Variants in NBEA observed in about 807,000 individuals in gnomAD.
NBEA encodes lysosomal-trafficking regulator 2.
A neutral mutation model predicts 343.4 loss-of-function variants in NBEA; 44 were observed. The ratio of observed to expected loss-of-function variants is 0.13; its 90% CI spans 0.10 to 0.16. NBEA has a LOEUF of 0.16. Ranked by LOEUF, NBEA falls within the 10% of genes least tolerant of loss-of-function variation. NBEA has a pLI of 1.00. For synonymous variants in NBEA, 1,175 were observed against 1,238.7 expected, an observed-to-expected ratio of 0.95 and a Z score of 1.08; for missense variants, 2,555 against 3,631.3, an observed-to-expected ratio of 0.70 and a Z score of 7.62.
chr13:35,446,657 C>T (rs956232600), intron 39 of NBEA, among the ~76,000 whole-genome samples: 2 of 151,988 alleles, frequency 1.3e-5, no homozygotes, highest in African/African-American at 4.8e-5. Flanking sequence ...ATATGAGGTG[C>T]AAAGAGGCCA....
chr13:35,006,782 C>G (rs555513647), intron 1 of NBEA, among the ~76,000 whole-genome samples: 1 of 152,176 alleles, frequency 6.6e-6, no homozygotes, highest in Admixed American at 6.5e-5. Flanking sequence ...GAGTCTCACT[C>G]TGTTGCCCAG....
intron 39 of NBEA, among the ~76,000 whole-genome samples, chr13:35,451,173 G>T (rs902286610): frequency 6.6e-6 from 1 of 152,150 alleles, no homozygotes; most frequent in Admixed American, 6.5e-5. Flanking sequence ...GCCCAGGCTG[G>T]AGTGCAGTGG....
chr13:35,303,256 G>A (rs1594136100), intron 35 of NBEA, among the ~76,000 whole-genome samples: 1 of 152,126 alleles, frequency 6.6e-6, no homozygotes, highest in East Asian at 1.9e-4. Flanking sequence ...AATTAGTATT[G>A]TTCATCCGTA....
At position 35,654,834 on chromosome 13, in the gene NBEA, C is replaced by CT. The variant is rs747182896; in HGVS notation, c.8036-15dup. 9.7e-6 allele frequency: 15 copies of CT among 1,553,706 alleles called. 1 individual carries two copies. The South Asian group carries it at 1.0e-4, about 11-fold the overall frequency. On this transcript the variant is annotated intron_variant, in intron 53 of 58. Transcript: ENST00000379939. ...CTCATATGGAATCTTTCTTCAAATG[C>CT]TTTTTTCCATTTACTTTTAGCCAAT...
intron 8 of NBEA, among the ~76,000 whole-genome samples, chr13:35,064,058 G>T (rs1593230338): frequency 6.6e-6 from 1 of 152,186 alleles, no homozygotes; most frequent in South Asian, 2.1e-4. Flanking sequence ...TATGGACATA[G>T]TTGTTTGAGA....
intron 38 of NBEA, among the ~76,000 whole-genome samples, chr13:35,370,466 G>C (rs1029066765): frequency 1.3e-5 from 2 of 151,918 alleles, no homozygotes; most frequent in Non-Finnish European, 2.9e-5. Context: ...GCATATAGTT[G>C]AGTCATGTTT....
At chr13:35,106,873 G>A (rs2065944329) in intron 11 of NBEA, among the ~76,000 whole-genome samples, 1 of 151,568 alleles carries the variant, frequency 6.6e-6, no homozygotes, top group Admixed American at 6.6e-5. Context: ...AATTCATCAA[G>A]TGGATATGTT....
intron 41 of NBEA, among the ~76,000 whole-genome samples, chr13:35,505,229 TAA>T (rs754936689): frequency 1.3e-5 from 2 of 152,038 alleles, no homozygotes; most frequent in Admixed American, 6.6e-5. Flanking sequence ...ACTGGCTTTT[TAA>T]AAAAAATTAG....
chr13:35,489,091 T>C (rs2076409083), intron 41 of NBEA, among the ~76,000 whole-genome samples: 2 of 151,848 alleles, frequency 1.3e-5, no homozygotes, highest in Non-Finnish European at 2.9e-5. Context: ...GTTTTTTTTT[T>C]AATGAGGATG....
intron 1 of NBEA, among the ~76,000 whole-genome samples, chr13:34,991,775 T>G (rs2060757735): frequency 6.6e-6 from 1 of 152,212 alleles, no homozygotes; most frequent in African/African-American, 2.4e-5. Flanking sequence ...CCAGAATAAG[T>G]TTCCGTCTTG....
chr13:35,218,634 TATTA>T (rs148463096), intron 33 of NBEA, among the ~76,000 whole-genome samples: 6,732 of 152,016 alleles, frequency 0.044, 172 homozygotes, highest in South Asian at 0.078. Flanking sequence ...GCTTCTTACC[TATTA>T]ATTATATATA....
chr13:35,455,974 C>G, intron 40 of NBEA, among the ~76,000 whole-genome samples: 1 of 151,932 alleles, frequency 6.6e-6, no homozygotes. Flanking sequence ...AAAATGACAT[C>G]TTCTGTTTAT....
intron 41 of NBEA, among the ~76,000 whole-genome samples, chr13:35,503,877 A>G (rs187458852): frequency 9.2e-5 from 14 of 152,226 alleles, no homozygotes; most frequent in African/African-American, 3.1e-4. Context: ...CGTGCTCTAT[A>G]GCTTGTAAGC....
intron 1 of NBEA, among the ~76,000 whole-genome samples, chr13:34,956,674 C>A (rs1240525434): frequency 2.6e-5 from 4 of 152,162 alleles, no homozygotes; most frequent in African/African-American, 9.7e-5. Context: ...CACTCAAAAT[C>A]TTCTGGTTAT....
chr13:35,391,214 G>T (rs1478699197), intron 38 of NBEA, among the ~76,000 whole-genome samples: 1 of 151,538 alleles, frequency 6.6e-6, no homozygotes, highest in Non-Finnish European at 1.5e-5. Context: ...GGCAGAGGTT[G>T]CAGTGAGTTG....
intron 45 of NBEA, among the ~76,000 whole-genome samples, chr13:35,573,844 G>C (rs2080576148): frequency 6.6e-6 from 1 of 152,180 alleles, no homozygotes; most frequent in African/African-American, 2.4e-5. Context: ...TGTCACCTCT[G>C]TGTCTAAACC....
chr13:35,574,276 C>A, intron 45 of NBEA, among the ~76,000 whole-genome samples: 1 of 129,910 alleles, frequency 7.7e-6, no homozygotes. Context: ...CTCCATAATA[C>A]ATAGGTAGGA....
chr13:35,049,482 A>G (rs984766144), intron 5 of NBEA, among the ~76,000 whole-genome samples: 5 of 151,848 alleles, frequency 3.3e-5, no homozygotes, highest in African/African-American at 9.7e-5. Flanking sequence ...AGCTCTTTGT[A>G]TAATGGCTGG....
chr13:35,032,585 C>G (rs2062273624), intron 1 of NBEA, among the ~76,000 whole-genome samples: 1 of 151,448 alleles, frequency 6.6e-6, no homozygotes, highest in African/African-American at 2.4e-5. Context: ...TTCTTATATT[C>G]TGTAGGTTGT....
Sources: gnomAD v4.1 joint callset for allele counts (sites outside exome capture counted in the v4.1 genomes callset) on GRCh38, gnomAD v4.1.1 for gene constraint, MANE v1.5 for transcripts, NCBI Gene and HGNC (gene_info 2026-07-23, HGNC 2026-07-21) for gene names.